RAD51B: variants seen among roughly 807,000 people sequenced by gnomAD.
RAD51B encodes the protein RAD51 paralog B.
In RAD51B, 38 loss-of-function variants were observed where a neutral mutation model predicts 42.2. That is an observed-to-expected ratio of 0.90 (90% CI 0.70 to 1.18). The LOEUF (loss-of-function observed/expected upper bound fraction) is 1.18. Among genes scored for constraint, RAD51B ranks in the 50% most tolerant of loss-of-function variants. The probability of loss-of-function intolerance (pLI) is 0.00; values close to 1 mark genes in which losing one functional copy is unlikely to be tolerated. For missense variants in RAD51B, 373 were observed against 400.7 expected (o/e 0.93, Z 0.59); for synonymous variants, 154 against 145.2 (o/e 1.06, Z -0.43).
At chr14:67,848,911 C>T (rs1395509360) in intron 4 of RAD51B, among the ~76,000 whole-genome samples, 3 of 152,062 alleles carry the variant, frequency 2.0e-5, no homozygotes, top group Non-Finnish European at 4.4e-5. Context: ...AAAATAGGTC[C>T]CCACTCTCTT....
chr14:67,957,250 C>G (rs2074569425), intron 7 of RAD51B, among the ~76,000 whole-genome samples: 1 of 152,166 alleles, frequency 6.6e-6, no homozygotes, highest in Admixed American at 6.5e-5. Context: ...AAGCAGAATC[C>G]AACTGCAGGA....
intron 7 of RAD51B, among the ~76,000 whole-genome samples, chr14:67,910,036 G>A (rs1460719714): frequency 2.0e-5 from 3 of 151,962 alleles, no homozygotes; most frequent in African/African-American, 4.8e-5. Context: ...TAAGGTTTAC[G>A]GTTATAAGTA....
intron 7 of RAD51B, among the ~76,000 whole-genome samples, chr14:67,934,224 A>T (rs982890146): frequency 1.3e-5 from 2 of 152,166 alleles, no homozygotes; most frequent in Non-Finnish European, 2.9e-5. Flanking sequence ...GCTCACTAGG[A>T]TCCTTGTGGC....
At chr14:68,624,772 C>T (rs1171728299) in intron 10 of RAD51B, among the ~76,000 whole-genome samples, 5 of 152,172 alleles carry the variant, frequency 3.3e-5, no homozygotes, top group Admixed American at 6.5e-5. Context: ...CAGGCAATTT[C>T]GTTCCTAAGT....
chr14:67,887,002 A>G lies in RAD51B; in HGVS notation c.573-19A>G, dbSNP rs1044316737. 3 of 1,410,250 alleles carry G rather than the reference A, an allele frequency of 2.1e-6. No homozygotes were observed. The highest frequency in any genetic ancestry group is 1.5e-5 in the African/African-American group (1 of 68,776). 87.4% of individuals were successfully genotyped at this position (1,410,250 alleles called of 1,614,324 possible). ...TTATCTTAAATTTATTGACTATTTT[A>G]TAAATTCTTCTTTTATAGGATTGAA... On this transcript the variant is annotated intron_variant, in intron 6 of 10. Coordinates refer to ENST00000471583, the MANE Select transcript of RAD51B (RefSeq NM_133510.4).
At chr14:68,373,528 C>T (rs1331884188) in intron 8 of RAD51B, among the ~76,000 whole-genome samples, 1 of 152,062 alleles carries the variant, frequency 6.6e-6, no homozygotes, top group Non-Finnish European at 1.5e-5. Context: ...AACAGAAAAC[C>T]AAACACTGCA....
At position 68,576,876 on chromosome 14, in the gene RAD51B, G is replaced by C. The variant is rs147239706; in HGVS notation, c.1037-17609G>C. On this transcript the variant is annotated intron_variant, in intron 10 of 10. Transcript: ENST00000487270. ...TTGGGATCTTCTACAGCAGGTCCTG[G>C]TGTGCAAGTATTTCAAGATCAAGAT... is the stretch of plus-strand genomic sequence containing the variant. 5.3e-3 allele frequency among the ~76,000 whole-genome samples: 813 copies of C among 152,268 alleles called. 8 individuals are homozygous for C. The highest frequency in any genetic ancestry group is 0.019 in the African/African-American group (774 of 41,548).
intron 10 of RAD51B, among the ~76,000 whole-genome samples, chr14:68,585,288 T>C (rs1594999366): frequency 2.0e-5 from 3 of 152,246 alleles, no homozygotes; most frequent in Admixed American, 2.0e-4. Context: ...CTCCCTTTTC[T>C]TCAGAGGGAA....
intron 8 of RAD51B, chr14:68,338,829 T>C (rs2082511676): frequency 1.7e-6 from 1 of 598,662 alleles, no homozygotes; most frequent in Admixed American, 1.9e-5. Flanking sequence ...CCAGTGACAG[T>C]GGATCTCATC....
chr14:68,356,629 G>T (rs1247779103), intron 8 of RAD51B, among the ~76,000 whole-genome samples: 2 of 152,084 alleles, frequency 1.3e-5, no homozygotes, highest in African/African-American at 4.8e-5. Context: ...AGTGTTGAAG[G>T]TTGCTGACTG....
At chr14:67,850,870 TA>T (rs1465845499) in intron 4 of RAD51B, among the ~76,000 whole-genome samples, 3 of 152,198 alleles carry the variant, frequency 2.0e-5, no homozygotes, top group Non-Finnish European at 4.4e-5. Flanking sequence ...ACCCTTGTTC[TA>T]GAGCTCTTGA....
rs549423168 is a variant in RAD51B, at chr14:68,038,907, G to T, written c.756+151703G>T. 8.4e-4 allele frequency among the ~76,000 whole-genome samples: 128 copies of T among 152,222 alleles called. 1 individual carries two copies. The highest frequency in any genetic ancestry group is 6.9e-4 in the Non-Finnish European group (47 of 68,010). ...TATCTATGCTCTTGAGGTTATTTGT[G>T]TCTCTTGTATCTGTATTGGAAATAC... On this transcript the variant is annotated intron_variant, in intron 7 of 10. Coordinates refer to ENST00000471583, the MANE Select transcript of RAD51B (RefSeq NM_133510.4).
intron 7 of RAD51B, among the ~76,000 whole-genome samples, chr14:68,127,003 C>T (rs2077774354): frequency 6.6e-6 from 1 of 152,132 alleles, no homozygotes; most frequent in African/African-American, 2.4e-5. Flanking sequence ...AATGAGCCAC[C>T]TCAGATACCA....
intron 10 of RAD51B, among the ~76,000 whole-genome samples, chr14:68,602,426 C>T (rs1353464657): frequency 1.3e-5 from 2 of 152,002 alleles, no homozygotes; most frequent in Non-Finnish European, 2.9e-5. Flanking sequence ...TTACTCAGGG[C>T]TCTCCAGAGA....
intron 7 of RAD51B, among the ~76,000 whole-genome samples, chr14:68,286,869 G>A (rs1040813618): frequency 5.9e-5 from 9 of 152,248 alleles, no homozygotes; most frequent in Non-Finnish European, 1.0e-4. Context: ...GTTGGGCTCA[G>A]TTGGCTCAAT....
At chr14:67,856,775 T>G (rs781534780) in intron 4 of RAD51B, among the ~76,000 whole-genome samples, 2 of 152,178 alleles carry the variant, frequency 1.3e-5, no homozygotes, top group Non-Finnish European at 2.9e-5. Flanking sequence ...GGAACAATTC[T>G]CTTTCCTCTT....
intron 7 of RAD51B, among the ~76,000 whole-genome samples, chr14:68,006,145 G>A (rs2075588455): frequency 1.3e-5 from 2 of 152,174 alleles, no homozygotes; most frequent in Admixed American, 1.3e-4. Context: ...TTGAACGTAA[G>A]ATTTGGGTGG....
At chr14:68,673,694 CACAT>C (rs1309690022) in intron 11 of RAD51B, among the ~76,000 whole-genome samples, 2 of 151,840 alleles carry the variant, frequency 1.3e-5, no homozygotes, top group Non-Finnish European at 2.9e-5. Flanking sequence ...TATGTGCACA[CACAT>C]ACACATACTG....
intron 10 of RAD51B, among the ~76,000 whole-genome samples, chr14:68,549,191 C>T (rs1195989819): frequency 6.6e-6 from 1 of 151,794 alleles, no homozygotes; most frequent in Non-Finnish European, 1.5e-5. Flanking sequence ...AGGCTGGTGA[C>T]TGAGTCAGAC....
Sources: gnomAD v4.1 joint callset for allele counts (sites outside exome capture counted in the v4.1 genomes callset) on GRCh38, gnomAD v4.1.1 for gene constraint, MANE v1.5 for transcripts, NCBI Gene and HGNC (gene_info 2026-07-23, HGNC 2026-07-21) for gene names.